ATG5: variants seen among roughly 807,000 people sequenced by gnomAD.
The protein encoded by ATG5 is autophagy related 5, also known as autophagy protein 5.
ATG5 carries 14 observed loss-of-function variants against 36.5 expected under a neutral mutation model. That is an observed-to-expected ratio of 0.38 (90% CI 0.25 to 0.60). The LOEUF is 0.60. Among genes scored for constraint, ATG5 ranks in the 20% least tolerant of loss-of-function variants. The probability of loss-of-function intolerance (pLI) is 0.60; values close to 1 mark genes in which losing one functional copy is unlikely to be tolerated. For missense variants in ATG5, 195 were observed against 326.7 expected (o/e 0.60, Z 3.11); for synonymous variants, 95 against 101.5 (o/e 0.94, Z 0.38).
Position 106,316,260 on chromosome 6 carries a change from A to C in ATG5, c.-52T>G. Reference sequence around the variant, plus strand: ...CAGGCTAAATTCTTATTTCAACCAAAGCCAAACTGAAAATAAAATGAAGAG... The same window carrying C: ...CAGGCTAAATTCTTATTTCAACCAACGCCAAACTGAAAATAAAATGAAGAG... On this transcript the variant is annotated 5_prime_UTR_variant, in exon 2 of 8. Coordinates refer to ENST00000369076, the MANE Select transcript of ATG5 (RefSeq NM_004849.4). The C allele has an allele frequency of 7.1e-7, 1 of 1,406,696 alleles. No homozygotes were observed. Among genetic ancestry groups the C allele is most frequent in the Non-Finnish European group, 1.0e-6 (1 of 1,001,184 alleles). 87.1% of individuals were successfully genotyped at this position (1,406,696 alleles called of 1,614,324 possible).
At chr6:106,225,552 T>C (rs1777422433) in intron 6 of ATG5, among the ~76,000 whole-genome samples, 1 of 152,182 alleles carries the variant, frequency 6.6e-6, no homozygotes, top group Non-Finnish European at 1.5e-5. Context: ...TTATCCAAAC[T>C]TGAGGTTGAA....
At chr6:106,297,177 C>A (rs1284665781) in intron 3 of ATG5, among the ~76,000 whole-genome samples, 2 of 152,092 alleles carry the variant, frequency 1.3e-5, no homozygotes, top group African/African-American at 4.8e-5. Context: ...GAAAAAACTT[C>A]ATTACATGAT....
intron 1 of ATG5, among the ~76,000 whole-genome samples, chr6:106,322,208 T>C (rs1041583211): frequency 6.6e-6 from 1 of 151,740 alleles, no homozygotes; most frequent in African/African-American, 2.4e-5. Flanking sequence ...ACAGAGTAGG[T>C]GCCCACCAAC....
chr6:106,239,826 A>G (rs1778045806), intron 6 of ATG5, among the ~76,000 whole-genome samples: 1 of 152,212 alleles, frequency 6.6e-6, no homozygotes, highest in Non-Finnish European at 1.5e-5. Context: ...TTGTCTATAA[A>G]TATTTTCATG....
intron 5 of ATG5, among the ~76,000 whole-genome samples, chr6:106,251,666 A>AGAGAGGGAGGGAGGGGGGGG (rs1778587711): frequency 2.8e-5 from 1 of 35,772 alleles, no homozygotes; most frequent in Non-Finnish European, 5.8e-5. Flanking sequence ...GGAGGAAGGG[A>AGAGAGGGAGGGAGGGGGGGG]GGGGGAGGGG....
chr6:106,312,240 G>A (rs942557973), intron 2 of ATG5, among the ~76,000 whole-genome samples: 4 of 152,140 alleles, frequency 2.6e-5, no homozygotes, highest in Non-Finnish European at 5.9e-5. Flanking sequence ...CCGACTATCT[G>A]GGATAAGAGA....
At chr6:106,210,319 A>G (rs1288008338) in intron 6 of ATG5, among the ~76,000 whole-genome samples, 1 of 152,240 alleles carries the variant, frequency 6.6e-6, no homozygotes, top group Admixed American at 6.5e-5. Flanking sequence ...TAAAAGGCAG[A>G]TAATATATAC....
chr6:106,253,396 TA>T lies in ATG5; in HGVS notation c.479-5153del, dbSNP rs200357943. On this transcript the variant is annotated intron_variant, in intron 5 of 7. Coordinates refer to ENST00000369076, the MANE Select transcript of ATG5 (RefSeq NM_004849.4). ...AACACACATCTTGGCAGAAGGTTTC[TA>T]CCCAGGGAAATCTGTGGTTTCAGTG... 9.7e-3 allele frequency among the ~76,000 whole-genome samples: 1,483 copies of T among 152,296 alleles called. 24 individuals are homozygous for T. The highest frequency in any genetic ancestry group is 0.034 in the African/African-American group (1,402 of 41,556).
intron 6 of ATG5, among the ~76,000 whole-genome samples, chr6:106,246,940 A>G (rs1427925079): frequency 3.3e-5 from 5 of 152,234 alleles, no homozygotes; most frequent in Admixed American, 6.5e-5. Flanking sequence ...CCTGGACACA[A>G]AGCATGAACC....
chr6:106,239,781 T>G (rs1444934246), intron 6 of ATG5, among the ~76,000 whole-genome samples: 1 of 152,172 alleles, frequency 6.6e-6, no homozygotes, highest in Non-Finnish European at 1.5e-5. Context: ...CAAATAAAGT[T>G]TTACTGGGAC....
chr6:106,297,335 G>T (rs994925143), intron 3 of ATG5, among the ~76,000 whole-genome samples: 2 of 152,204 alleles, frequency 1.3e-5, no homozygotes, highest in South Asian at 4.1e-4. Context: ...GAAGGAATTA[G>T]ATCACATAGA....
chr6:106,295,820 A>G (rs1439119617), intron 3 of ATG5, among the ~76,000 whole-genome samples: 1 of 152,110 alleles, frequency 6.6e-6, no homozygotes, highest in African/African-American at 2.4e-5. Flanking sequence ...CACCTTGGCC[A>G]CCCAAAGTAA....
intron 3 of ATG5, among the ~76,000 whole-genome samples, chr6:106,298,631 T>G (rs1238576044): frequency 2.0e-5 from 3 of 152,198 alleles, no homozygotes; most frequent in Non-Finnish European, 2.9e-5. Context: ...TATGATTTTT[T>G]AAAAATAAAA....
At chr6:106,307,583 A>T (rs1582682171) in intron 3 of ATG5, among the ~76,000 whole-genome samples, 1 of 129,444 alleles carries the variant, frequency 7.7e-6, no homozygotes, top group South Asian at 2.4e-4. Context: ...CTTATTGCCC[A>T]GGCTGGAGTG....
chr6:106,280,121 T>TGGAG (rs1311603356), intron 4 of ATG5, among the ~76,000 whole-genome samples: 2 of 152,036 alleles, frequency 1.3e-5, no homozygotes, highest in African/African-American at 4.8e-5. Context: ...AGATGTGGAA[T>TGGAG]GGAGCCCTCA....
At chr6:106,217,700 G>C (rs1391084688) in intron 6 of ATG5, 1 of 152,128 alleles carries the variant, frequency 6.6e-6, no homozygotes. Context: ...TATAAATCCA[G>C]GTCAGAGTTT....
chr6:106,199,441 A>G (rs1776334418), intron 7 of ATG5, among the ~76,000 whole-genome samples: 1 of 152,220 alleles, frequency 6.6e-6, no homozygotes, highest in Non-Finnish European at 1.5e-5. Flanking sequence ...CATAATGTTA[A>G]GTGGAAAAAA....
intron 5 of ATG5, among the ~76,000 whole-genome samples, chr6:106,253,774 TGATG>T (rs1175313244): frequency 1.3e-5 from 2 of 152,196 alleles, no homozygotes; most frequent in African/African-American, 4.8e-5. Context: ...TAATGCTTTA[TGATG>T]CACATTAATG....
At chr6:106,241,233 T>C (rs1022175477) in intron 6 of ATG5, among the ~76,000 whole-genome samples, 2 of 152,180 alleles carry the variant, frequency 1.3e-5, no homozygotes, top group Non-Finnish European at 2.9e-5. Context: ...AGGACTTGAA[T>C]AGACATTTCT....
Sources: allele counts gnomAD v4.1 joint callset (sites outside exome capture counted in the v4.1 genomes callset), GRCh38; gene constraint gnomAD v4.1.1; transcripts MANE v1.5; gene names NCBI Gene and HGNC (gene_info 2026-07-23, HGNC 2026-07-21).